ONECUT2: variants seen among roughly 807,000 people sequenced by gnomAD.
ONECUT2 encodes the protein one cut domain family member 2.
Under a neutral mutation model 27.9 loss-of-function variants are expected in ONECUT2, and 10 were observed. The ratio of observed to expected loss-of-function variants is 0.36; its 90% CI spans 0.22 to 0.61. ONECUT2 has a LOEUF of 0.61. ONECUT2 is among the 20% of genes least tolerant of loss of function. The pLI, the probability that ONECUT2 is intolerant of heterozygous loss-of-function variation, is 0.73. For synonymous variants in ONECUT2, 334 were observed against 315.1 expected, an observed-to-expected ratio of 1.06 and a Z score of -0.64; for missense variants, 686 against 721.0, an observed-to-expected ratio of 0.95 and a Z score of 0.56.
chr18:57,466,674 A>C (rs533196978), intron 1 of ONECUT2, among the ~76,000 whole-genome samples: 1 of 152,222 alleles, frequency 6.6e-6, no homozygotes, highest in South Asian at 2.1e-4. Context: ...TAAAAGCCCC[A>C]CTGGACTAGA....
chr18:57,448,447 TTC>T (rs1345265458), intron 1 of ONECUT2, among the ~76,000 whole-genome samples: 11 of 152,222 alleles, frequency 7.2e-5, no homozygotes, highest in Non-Finnish European at 1.3e-4. Context: ...AAAAAATTGT[TTC>T]TGTGTGTCTA....
chr18:57,450,838 T>C (rs2050226150), intron 1 of ONECUT2, among the ~76,000 whole-genome samples: 1 of 152,188 alleles, frequency 6.6e-6, no homozygotes. Flanking sequence ...AAACAGAGGT[T>C]AATATTTTTA....
chr18:57,466,750 C>G (rs2050323399), intron 1 of ONECUT2, among the ~76,000 whole-genome samples: 1 of 152,214 alleles, frequency 6.6e-6, no homozygotes, highest in South Asian at 2.1e-4. Flanking sequence ...GAGTTCTGAT[C>G]TCTTATTTCT....
At chr18:57,446,091 G>A (rs8098894) in intron 1 of ONECUT2, among the ~76,000 whole-genome samples, 1 of 152,340 alleles carries the variant, frequency 6.6e-6, no homozygotes, top group South Asian at 2.1e-4. Flanking sequence ...TCAGTCTGTA[G>A]GCATAGCAGC....
At chr18:57,445,174 A>C (rs758183585) in intron 1 of ONECUT2, among the ~76,000 whole-genome samples, 22 of 152,198 alleles carry the variant, frequency 1.4e-4, no homozygotes, top group Non-Finnish European at 3.1e-4. Context: ...TGCCACAATT[A>C]TTTTGGTTCA....
At chr18:57,439,118 C>T (rs2050160166) in intron 1 of ONECUT2, among the ~76,000 whole-genome samples, 1 of 152,220 alleles carries the variant, frequency 6.6e-6, no homozygotes, top group Admixed American at 6.5e-5. Flanking sequence ...GCCTTCTGCC[C>T]ATATAGGTCT....
At chr18:57,445,187 T>A (rs1032054604) in intron 1 of ONECUT2, among the ~76,000 whole-genome samples, 9 of 152,208 alleles carry the variant, frequency 5.9e-5, no homozygotes, top group Non-Finnish European at 1.0e-4. Flanking sequence ...TTGGTTCATT[T>A]GTAGCAAATC....
chr18:57,439,733 C>A (rs1303656524), intron 1 of ONECUT2, among the ~76,000 whole-genome samples: 1 of 152,220 alleles, frequency 6.6e-6, no homozygotes, highest in Non-Finnish European at 1.5e-5. Context: ...CAAGCCCAGC[C>A]GCTCCGCAGG....
In ONECUT2 at chr18:57,473,302, T is replaced by C. The variant is rs577338029; in HGVS notation, c.1229-3135T>C. Among the ~76,000 whole-genome samples, 261 of 152,356 alleles carry C rather than the reference T, an allele frequency of 1.7e-3. 1 individual carries two copies. Among genetic ancestry groups the C allele is most frequent in the Admixed American group, 3.9e-3 (59 of 15,306 alleles). Reference sequence around the variant, plus strand: ...GATGCGGTGTCAGTGTCATCACATATACTCCAAGGTCTCCATGTATTTCCT... The same window carrying C: ...GATGCGGTGTCAGTGTCATCACATACACTCCAAGGTCTCCATGTATTTCCT... On this transcript the variant is annotated intron_variant, in intron 1 of 1. Coordinates refer to ENST00000491143, the MANE Select transcript of ONECUT2 (RefSeq NM_004852.3).
chr18:57,445,079 G>C (rs937415351), intron 1 of ONECUT2, among the ~76,000 whole-genome samples: 1 of 152,034 alleles, frequency 6.6e-6, no homozygotes, highest in Non-Finnish European at 1.5e-5. Context: ...AAATGTCTCA[G>C]GAACATCATT....
rs754231626 is a variant in ONECUT2 at position 57,476,446 on chromosome 18, G to T, written c.1238G>T (p.Arg413Leu). The T allele has an allele frequency of 1.9e-6, 3 of 1,613,896 alleles. No homozygotes were observed. The highest frequency in any genetic ancestry group is 2.5e-6 in the Non-Finnish European group (3 of 1,179,836). The change falls in exon 2 of 2, where the codon CGC becomes CTC. Residue 413 changes from arginine (R) to leucine (L), a missense_variant. This residue lies in a region of ONECUT2 where 51 missense variants were observed against 41.3 expected (regional missense o/e 1.23). Coordinates refer to ENST00000491143, the MANE Select transcript of ONECUT2 (RefSeq NM_004852.3). ...TCTCTTTCCCTTCAAGCGTGCAAAC[G>T]CAAAGAGCAAGAACCAAACAAAGAC... is the stretch of plus-strand genomic sequence containing the variant. ...MSALRLAACK[R>L]KEQEPNKDRN...
intron 1 of ONECUT2, among the ~76,000 whole-genome samples, chr18:57,465,823 A>G (rs1317208652): frequency 6.6e-6 from 1 of 152,198 alleles, no homozygotes; most frequent in African/African-American, 2.4e-5. Flanking sequence ...TCTAAGCCCT[A>G]TACTAAATCG....
chr18:57,438,539 T>C (rs1239109815), intron 1 of ONECUT2, among the ~76,000 whole-genome samples: 1 of 152,184 alleles, frequency 6.6e-6, no homozygotes, highest in Non-Finnish European at 1.5e-5. Flanking sequence ...GGCTGGGGAA[T>C]GTGACAGGCA....
rs2050385025 is a variant in ONECUT2 at position 57,476,752 on chromosome 18, A to G, written c.*29A>G. The G allele has an allele frequency of 6.2e-7, 1 of 1,609,348 alleles. No homozygotes were observed. The highest frequency in any genetic ancestry group is 8.5e-7 in the Non-Finnish European group (1 of 1,177,588). ...AAGGACTCTCACTTGGGCACAAGTC[A>G]CCTCCAAATGAGGACAACAGATACC... is the stretch of plus-strand genomic sequence containing the variant. On this transcript the variant is annotated 3_prime_UTR_variant, in exon 2 of 2. Transcript: ENST00000491143.
chr18:57,435,612 TCCCGCG>T lies in ONECUT2; in HGVS notation c.-99_-94del. 1.1e-6 allele frequency: 1 copy of T among 937,500 alleles called. No individual in the cohort carries two copies. Among genetic ancestry groups the T allele is most frequent in the Non-Finnish European group, 1.3e-6 (1 of 798,706 alleles). The allele number at this position is 937,500 out of a possible 1,614,324, so 58.1% of individuals were successfully genotyped here. ...CGCACGCGCACTCCTCTCCACTCAC[TCCCGCG>T]CCCGCCCCCACTCCCGCAGCCGAGC... On this transcript the variant is annotated 5_prime_UTR_variant, in exon 1 of 2. Transcript: ENST00000491143.
At chr18:57,465,411 G>A (rs1240146616) in intron 1 of ONECUT2, among the ~76,000 whole-genome samples, 1 of 152,174 alleles carries the variant, frequency 6.6e-6, no homozygotes, top group Non-Finnish European at 1.5e-5. Flanking sequence ...CAATCCGCCC[G>A]CCTTGGCCTC....
At position 57,477,059 on chromosome 18, in the gene ONECUT2, C is replaced by A; in HGVS notation, c.*336C>A. The A allele has an allele frequency of 3.5e-6, 1 of 287,298 alleles. No homozygotes were observed. The highest frequency in any genetic ancestry group is 5.2e-5 in the South Asian group (1 of 19,414). 17.8% of individuals were successfully genotyped at this position (287,298 alleles called of 1,614,324 possible). On this transcript the variant is annotated 3_prime_UTR_variant, in exon 2 of 2. Coordinates refer to ENST00000491143, the MANE Select transcript of ONECUT2 (RefSeq NM_004852.3). ...ATGGTGTCAACCAAGCTCGGGATTG[C>A]TTAAAATATCATCCATCCCACTTCA...
rs2144308315 is a variant in ONECUT2, at chr18:57,448,870, A to G, written c.1228+11926A>G. Among the ~76,000 whole-genome samples the G allele has an allele frequency of 1.3e-5, 2 of 152,352 alleles. 1 individual carries two copies. Among genetic ancestry groups the G allele is most frequent in the South Asian group, 4.1e-4 (2 of 4,828 alleles). On this transcript the variant is annotated intron_variant, in intron 1 of 1. Transcript: ENST00000491143. Reference sequence around the variant, plus strand: ...AATACTGAAAAGTGTGTGGAGTAAGATAATTTTATGCTTTTCTGAATCAGT... The same window carrying G: ...AATACTGAAAAGTGTGTGGAGTAAGGTAATTTTATGCTTTTCTGAATCAGT...
chr18:57,435,831 G>T lies in ONECUT2; in HGVS notation c.115G>T (p.Gly39Cys), dbSNP rs775311962. ...LGTLHGPAGG[G>C]SGGGGGGGGG... ...CACTTTGCACGGGCCGGCCGGCGGCGGCAGTGGCGGGGGCGGCGGCGGGGG... is the reference window on the plus strand; with the variant it reads ...CACTTTGCACGGGCCGGCCGGCGGCTGCAGTGGCGGGGGCGGCGGCGGGGG... The change falls in exon 1 of 2, where the codon GGC (glycine) becomes TGC (cysteine). Residue 39 changes from glycine to cysteine, a missense_variant. This residue lies in a region of ONECUT2 where 511 missense variants were observed against 488.1 expected (regional missense o/e 1.05). Transcript: ENST00000491143. 7.3e-6 allele frequency: 8 copies of T among 1,096,606 alleles called. No individual in the cohort carries two copies. The highest frequency in any genetic ancestry group is 4.0e-5 in the Admixed American group (1 of 25,030). 67.9% of individuals were successfully genotyped at this position (1,096,606 alleles called of 1,614,324 possible).
Sources: allele counts gnomAD v4.1 joint callset (sites outside exome capture counted in the v4.1 genomes callset), GRCh38; gene constraint gnomAD v4.1.1; regional missense constraint gnomAD v4.1.1; transcripts MANE v1.5; gene names NCBI Gene and HGNC (gene_info 2026-07-23, HGNC 2026-07-21).